The following PDE1A variants were observed in gnomAD, a reference collection of about 807,000 sequenced individuals.
PDE1A encodes the protein phosphodiesterase 1A.
PDE1A carries 35 observed loss-of-function variants against 61.7 expected under a neutral mutation model. The observed-to-expected ratio is 0.57, with a 90% CI of 0.43 to 0.75. The LOEUF is 0.75. PDE1A is among the 30% of genes least tolerant of loss of function. The probability of loss-of-function intolerance (pLI) is 0.00; values close to 1 mark genes in which losing one functional copy is unlikely to be tolerated. For synonymous variants in PDE1A, 232 were observed against 213.2 expected, an observed-to-expected ratio of 1.09 and a Z score of -0.77; for missense variants, 597 against 630.6, an observed-to-expected ratio of 0.95 and a Z score of 0.57.
the PDE1A span, among the ~76,000 whole-genome samples, chr2:182,602,530 A>G: frequency 6.3e-4 from 96 of 152,368 alleles, no homozygotes; most frequent in African/African-American, 2.3e-3. Context: ...TCGTTAGCTT[A>G]AATTTCTTGG....
chr2:182,702,150 C>T, the PDE1A span, among the ~76,000 whole-genome samples: 1 of 152,214 alleles, frequency 6.6e-6, no homozygotes, highest in East Asian at 1.9e-4. Flanking sequence ...GTCGCCCAGG[C>T]TGAAGTGCAG....
chr2:182,691,511 C>A, the PDE1A span, among the ~76,000 whole-genome samples: 1 of 152,282 alleles, frequency 6.6e-6, no homozygotes, highest in Middle Eastern at 3.4e-3. Flanking sequence ...CTTCCTTGCA[C>A]CTTATACAAA....
intron 3 of PDE1A, among the ~76,000 whole-genome samples, chr2:182,239,034 T>C (rs914978064): frequency 5.3e-5 from 8 of 152,212 alleles, no homozygotes; most frequent in Non-Finnish European, 4.4e-5. Flanking sequence ...ATATTTTTAA[T>C]TTGATGCTAG....
chr2:182,450,347 G>A (rs1173496204), intron 2 of PDE1A, among the ~76,000 whole-genome samples: 1 of 152,046 alleles, frequency 6.6e-6, no homozygotes, highest in African/African-American at 2.4e-5. Context: ...GCCACATTGA[G>A]CTAGAAAGTT....
chr2:182,410,520 T>C (rs2125516209), intron 1 of PDE1A, among the ~76,000 whole-genome samples: 1 of 152,318 alleles, frequency 6.6e-6, no homozygotes, highest in African/African-American at 2.4e-5. Context: ...ATATTTAATG[T>C]GAGAGTCTCT....
the PDE1A span, among the ~76,000 whole-genome samples, chr2:182,554,893 T>C: frequency 6.6e-6 from 1 of 152,168 alleles, no homozygotes; most frequent in Non-Finnish European, 1.5e-5. Flanking sequence ...CACCATAAAA[T>C]TTGGAGGAAA....
the PDE1A span, among the ~76,000 whole-genome samples, chr2:182,545,582 A>C: frequency 6.6e-6 from 1 of 152,224 alleles, no homozygotes; most frequent in African/African-American, 2.4e-5. Context: ...ACTGTGACTA[A>C]GTAGCTAGAA....
intron 2 of PDE1A, among the ~76,000 whole-genome samples, chr2:182,468,703 G>T (rs1207472466): frequency 6.6e-6 from 1 of 151,956 alleles, no homozygotes; most frequent in African/African-American, 2.4e-5. Context: ...AGATCCATCA[G>T]AAGAATCACT....
At chr2:182,431,343 T>A (rs929951123), upstream of PDE1A, among the ~76,000 whole-genome samples, 8 of 152,096 alleles carry the variant, frequency 5.3e-5, no homozygotes, top group Non-Finnish European at 1.0e-4. Flanking sequence ...GCTAAAACCA[T>A]GAAGAGTAAA....
At chr2:182,226,315 T>G (rs141719386) in intron 6 of PDE1A, among the ~76,000 whole-genome samples, 1,851 of 149,982 alleles carry the variant, frequency 0.012, 39 homozygotes, top group Middle Eastern at 0.024. Context: ...TGAAAATTTA[T>G]TATAAATACA....
chr2:182,711,425 G>A, the PDE1A span, among the ~76,000 whole-genome samples: 3 of 151,862 alleles, frequency 2.0e-5, no homozygotes, highest in Non-Finnish European at 1.5e-5. Flanking sequence ...GGAAATATTG[G>A]TGTAAACTCA....
chr2:182,601,245 C>T, the PDE1A span, among the ~76,000 whole-genome samples: 1 of 152,224 alleles, frequency 6.6e-6, no homozygotes, highest in African/African-American at 2.4e-5. Context: ...GTCACACTGG[C>T]TGCTGCAGTG....
the PDE1A span, among the ~76,000 whole-genome samples, chr2:182,632,202 G>C: frequency 2.7e-3 from 411 of 152,074 alleles, 1 homozygote; most frequent in African/African-American, 9.6e-3. Flanking sequence ...CAGATTTAAA[G>C]TCAAACAAAA....
chr2:182,460,213 C>G (rs1366479681), intron 2 of PDE1A, among the ~76,000 whole-genome samples: 1 of 152,150 alleles, frequency 6.6e-6, no homozygotes, highest in African/African-American at 2.4e-5. Context: ...AAGAGAATAT[C>G]TCATACCTTG....
chr2:182,224,154 C>T (rs1688954012), intron 6 of PDE1A, among the ~76,000 whole-genome samples, 190 bp from the exon 7 acceptor site: 1 of 151,902 alleles, frequency 6.6e-6, no homozygotes, highest in African/African-American at 2.4e-5. Flanking sequence ...ATGATTGTTT[C>T]ATGGCATATA....
intron 1 of PDE1A, among the ~76,000 whole-genome samples, chr2:182,357,906 AT>A (rs1469442216): frequency 6.6e-6 from 1 of 152,176 alleles, no homozygotes; most frequent in African/African-American, 2.4e-5. Flanking sequence ...TATATGTTAG[AT>A]TTATAAGCAG....
the PDE1A span, among the ~76,000 whole-genome samples, chr2:182,698,563 TTTG>T: frequency 6.6e-6 from 1 of 152,194 alleles, no homozygotes; most frequent in Admixed American, 6.5e-5. Context: ...ATGGAAAATA[TTTG>T]TTATGATTTT....
chr2:182,515,944 GTGTGTGTTTC>G (rs1690106053), intron 2 of PDE1A, among the ~76,000 whole-genome samples: 1 of 132,246 alleles, frequency 7.6e-6, no homozygotes, highest in Non-Finnish European at 1.6e-5. Flanking sequence ...TTGTGCGTGT[GTGTGTGTTTC>G]TGTGTGTGTG....
At chr2:182,397,887 C>T (rs1006506050) in intron 1 of PDE1A, among the ~76,000 whole-genome samples, 6 of 151,972 alleles carry the variant, frequency 3.9e-5, no homozygotes, top group East Asian at 1.9e-4. Context: ...TAACAGTCTC[C>T]GCACTTACAA....
Sources: allele counts gnomAD v4.1 joint callset (sites outside exome capture counted in the v4.1 genomes callset), GRCh38; gene constraint gnomAD v4.1.1; transcripts MANE v1.5; gene names NCBI Gene and HGNC (gene_info 2026-07-23, HGNC 2026-07-21).